DNER: variants seen among roughly 807,000 people sequenced by gnomAD.
DNER encodes delta and Notch-like epidermal growth factor-related receptor.
Under a neutral mutation model 78.2 loss-of-function variants are expected in DNER, and 33 were observed. The ratio of observed to expected loss-of-function variants is 0.42; its 90% CI spans 0.32 to 0.56. The LOEUF is 0.56. Ranked by LOEUF, DNER falls within the 20% of genes least tolerant of loss-of-function variation. DNER has a pLI of 0.11. For synonymous variants in DNER, 417 were observed against 384.8 expected, an observed-to-expected ratio of 1.08 and a Z score of -0.98; for missense variants, 918 against 975.3, an observed-to-expected ratio of 0.94 and a Z score of 0.78.
At chr2:229,444,217 A>G (rs961776345) in intron 8 of DNER, among the ~76,000 whole-genome samples, 2 of 152,178 alleles carry the variant, frequency 1.3e-5, no homozygotes, top group East Asian at 1.9e-4. Flanking sequence ...TCACCCCCAC[A>G]TAGCTCGAGA....
chr2:229,432,550 A>G (rs1179510199), intron 8 of DNER, among the ~76,000 whole-genome samples: 1 of 152,218 alleles, frequency 6.6e-6, no homozygotes, highest in Admixed American at 6.5e-5. Context: ...TTCACAATCA[A>G]TTGGTTAAAT....
At chr2:229,656,534 G>A (rs1225200720) in intron 1 of DNER, among the ~76,000 whole-genome samples, 2 of 152,072 alleles carry the variant, frequency 1.3e-5, no homozygotes, top group African/African-American at 4.8e-5. Context: ...GGGGATTGGA[G>A]GACGAGGAAG....
At chr2:229,655,010 T>C (rs1054479054) in intron 1 of DNER, among the ~76,000 whole-genome samples, 1 of 152,164 alleles carries the variant, frequency 6.6e-6, no homozygotes, top group Non-Finnish European at 1.5e-5. Context: ...ATCTTTCAGA[T>C]GTTTTAAAAA....
chr2:229,504,995 C>T (rs11689225), intron 6 of DNER, among the ~76,000 whole-genome samples: 152,341 of 152,344 alleles, frequency 1, 76,169 homozygotes, highest in Non-Finnish European at 1. Flanking sequence ...ACCCTCCAGC[C>T]GTCCCTTTGC....
chr2:229,667,631 G>T (rs2154216728), intron 1 of DNER, among the ~76,000 whole-genome samples: 1 of 152,238 alleles, frequency 6.6e-6, no homozygotes, highest in Admixed American at 6.5e-5. Flanking sequence ...CCAAATAAAT[G>T]ACAGCCATTT....
At chr2:229,394,221 G>A (rs866480503) in intron 10 of DNER, among the ~76,000 whole-genome samples, 7 of 152,026 alleles carry the variant, frequency 4.6e-5, no homozygotes, top group Middle Eastern at 3.2e-3. Context: ...CCTGCCCTTC[G>A]GTCAAAACAA....
chr2:229,604,561 G>A (rs941631830), intron 1 of DNER, among the ~76,000 whole-genome samples: 1 of 152,144 alleles, frequency 6.6e-6, no homozygotes, highest in African/African-American at 2.4e-5. Context: ...TAAAAGTCGG[G>A]GGAGGCTTTG....
At chr2:229,679,493 T>A (rs1012742611) in intron 1 of DNER, among the ~76,000 whole-genome samples, 1 of 152,200 alleles carries the variant, frequency 6.6e-6, no homozygotes, top group East Asian at 1.9e-4. Context: ...CCTATTCCTT[T>A]TTTTTAGATT....
intron 1 of DNER, among the ~76,000 whole-genome samples, chr2:229,688,203 G>A (rs1167690480): frequency 1.3e-5 from 2 of 152,214 alleles, no homozygotes; most frequent in African/African-American, 4.8e-5. Flanking sequence ...CACAGTCAGT[G>A]CTAAGTCACC....
intron 4 of DNER, among the ~76,000 whole-genome samples, chr2:229,550,970 T>G (rs1426448403): frequency 6.6e-6 from 1 of 152,178 alleles, no homozygotes; most frequent in Non-Finnish European, 1.5e-5. Context: ...TTCAATGTTC[T>G]CAATGTTGAA....
At chr2:229,523,777 G>C (rs13394533) in intron 5 of DNER, among the ~76,000 whole-genome samples, 31,072 of 152,178 alleles carry the variant, frequency 0.2, 4,849 homozygotes, top group African/African-American at 0.44. Flanking sequence ...ACTGTATTCA[G>C]CCTCTTATCC....
chr2:229,391,822 C>T (rs1165153797), intron 10 of DNER, among the ~76,000 whole-genome samples: 2 of 152,124 alleles, frequency 1.3e-5, no homozygotes, highest in African/African-American at 4.8e-5. Context: ...GGATTACAGG[C>T]ATGAGCCACC....
Position 229,668,536 on chromosome 2 carries a change from GTA to G in DNER, c.276+45610_276+45611del, listed in dbSNP as rs1163016191. Among the ~76,000 whole-genome samples the G allele has an allele frequency of 6.7e-3, 47 of 7,064 alleles. No individual in the cohort carries two copies. The East Asian group carries it at 0.13, about 20-fold the overall frequency. 4.6% of individuals were successfully genotyped at this position (7,064 alleles called of 152,430 possible). On this transcript the variant is annotated intron_variant, in intron 1 of 12. Transcript: ENST00000341772. ...TAAGTATGTGTGTGTGTGTGTGTGT[GTA>G]TATATATATATATATATATATATAT...
chr2:229,378,237 A>C, intron 11 of DNER, among the ~76,000 whole-genome samples: 1 of 152,200 alleles, frequency 6.6e-6, no homozygotes, highest in East Asian at 1.9e-4. Flanking sequence ...TTTGCCTTCC[A>C]GAACTGTAAC....
chr2:229,600,615 G>A (rs1175496437), intron 1 of DNER, among the ~76,000 whole-genome samples: 1 of 152,172 alleles, frequency 6.6e-6, no homozygotes, highest in South Asian at 2.1e-4. Context: ...GTGCAGGAAG[G>A]TTGCAGAATA....
intron 1 of DNER, among the ~76,000 whole-genome samples, chr2:229,705,696 A>G (rs1243238960): frequency 1.3e-5 from 2 of 152,170 alleles, no homozygotes; most frequent in Non-Finnish European, 2.9e-5. Flanking sequence ...CTTAGCCATA[A>G]GATGGGGACT....
intron 7 of DNER, among the ~76,000 whole-genome samples, chr2:229,461,555 A>G (rs771579582): frequency 9.2e-5 from 14 of 152,066 alleles, no homozygotes; most frequent in Admixed American, 1.3e-4. Flanking sequence ...AAAACGATAG[A>G]TAGGAGAACA....
intron 6 of DNER, among the ~76,000 whole-genome samples, chr2:229,511,468 T>C: frequency 6.6e-6 from 1 of 152,126 alleles, no homozygotes; most frequent in East Asian, 1.9e-4. Flanking sequence ...TCCACTGCAC[T>C]CTCCCTAGAG....
intron 6 of DNER, among the ~76,000 whole-genome samples, chr2:229,487,693 C>T (rs1056779709): frequency 1.3e-5 from 2 of 152,210 alleles, no homozygotes; most frequent in African/African-American, 4.8e-5. Context: ...TATTCATTCA[C>T]TCTTCAGAAA....
Sources: allele counts gnomAD v4.1 joint callset (sites outside exome capture counted in the v4.1 genomes callset), GRCh38; gene constraint gnomAD v4.1.1; transcripts MANE v1.5; gene names NCBI Gene and HGNC (gene_info 2026-07-23, HGNC 2026-07-21).